CAMTA1: variants seen among roughly 807,000 people sequenced by gnomAD.
CAMTA1 encodes the protein calmodulin-binding transcription activator 1.
In CAMTA1, 27 loss-of-function variants were observed where a neutral mutation model predicts 170.9. That is an observed-to-expected ratio of 0.16 (90% CI 0.12 to 0.22). The LOEUF (loss-of-function observed/expected upper bound fraction) is 0.22. Among genes scored for constraint, CAMTA1 ranks in the 10% least tolerant of loss-of-function variants. CAMTA1 has a pLI of 1.00. For missense variants in CAMTA1, 1,619 were observed against 2,217.2 expected (o/e 0.73, Z 5.42); for synonymous variants, 833 against 891.5 (o/e 0.93, Z 1.17).
rs1641651263 is a variant in CAMTA1 at position 7,092,859 on chromosome 1, G to A, written c.302+1488G>A. Among the ~76,000 whole-genome samples the A allele has an allele frequency of 6.6e-6, 1 of 152,166 alleles. No homozygotes were observed. The highest frequency in any genetic ancestry group is 1.5e-5 in the Non-Finnish European group (1 of 68,034). Reference sequence around the variant, plus strand: ...GGAAGTTGGCGTCTCCCAGAGGAGGGCAGAGGCTTACAAGCCCAAGGCAGT... The same window carrying A: ...GGAAGTTGGCGTCTCCCAGAGGAGGACAGAGGCTTACAAGCCCAAGGCAGT... On this transcript the variant is annotated intron_variant, in intron 4 of 22. Coordinates refer to ENST00000303635, the MANE Select transcript of CAMTA1 (RefSeq NM_015215.4). This position sits in a 1 kb window ranked among gnomAD's most constrained non-coding sequence, Gnocchi z 5.0.
intron 3 of CAMTA1, among the ~76,000 whole-genome samples, chr1:7,024,028 CAAAAA>C (rs35095557): frequency 4.2e-5 from 4 of 96,136 alleles, no homozygotes; most frequent in African/African-American, 8.1e-5. Flanking sequence ...GACTCTGTCT[CAAAAA>C]AAAAAAAAAA....
At position 7,146,116 on chromosome 1, in the gene CAMTA1, C is replaced by A. The variant is rs1372413806; in HGVS notation, c.302+54745C>A. ...TTTTAAAATGGGATGATTGTAAAGG[C>A]CGGGCCGAGGATCTCCCCTGGGGAT... On this transcript the variant is annotated intron_variant, in intron 4 of 22. Coordinates refer to ENST00000303635, the MANE Select transcript of CAMTA1 (RefSeq NM_015215.4). The surrounding 1 kb of genome is among the most constrained non-coding windows in gnomAD (Gnocchi z 4.3). 6.6e-6 allele frequency among the ~76,000 whole-genome samples: 1 copy of A among 152,156 alleles called. No homozygotes were observed. Among genetic ancestry groups the A allele is most frequent in the Admixed American group, 6.5e-5 (1 of 15,282 alleles).
At chr1:7,091,132 G>A (rs761921402) in intron 3 of CAMTA1, among the ~76,000 whole-genome samples, 172 bp from the exon 4 acceptor site, 1 of 152,102 alleles carries the variant, frequency 6.6e-6, no homozygotes, top group Non-Finnish European at 1.5e-5. Flanking sequence ...GAATGGAAAG[G>A]CCTTAAAAAA....
chr1:7,255,466 A>G (rs1667225273), intron 5 of CAMTA1, among the ~76,000 whole-genome samples: 1 of 151,974 alleles, frequency 6.6e-6, no homozygotes, highest in Non-Finnish European at 1.5e-5. Flanking sequence ...GTCTAGGTCC[A>G]CATTGTCTTA....
At chr1:7,705,224 C>T (rs2096500543) in intron 11 of CAMTA1, among the ~76,000 whole-genome samples, 1 of 149,488 alleles carries the variant, frequency 6.7e-6, no homozygotes, top group Non-Finnish European at 1.5e-5. Context: ...GTGTGAGGAG[C>T]AAGGGTGAGG....
chr1:7,700,704 T>G (rs2096430377), intron 11 of CAMTA1: 1 of 152,222 alleles, frequency 6.6e-6, no homozygotes, highest in Non-Finnish European at 1.5e-5. Flanking sequence ...AAAGCTTCTA[T>G]CTGTAATAAT....
chr1:7,665,702 G>A lies in CAMTA1; in HGVS notation c.2652+503G>A, dbSNP rs965489363. On this transcript the variant is annotated intron_variant, in intron 9 of 22. Transcript: ENST00000303635. The surrounding 1 kb of genome is among the most constrained non-coding windows in gnomAD (Gnocchi z 4.3). ...TGCACTCCAGTCCGGATGACAGAGT[G>A]AAACCCTGTCTCAAAAAAAAAGAGA... is the stretch of plus-strand genomic sequence containing the variant. Among the ~76,000 whole-genome samples, 6 of 151,838 alleles carry A rather than the reference G, an allele frequency of 4.0e-5. No homozygotes were observed. Among genetic ancestry groups the A allele is most frequent in the African/African-American group, 1.5e-4 (6 of 41,310 alleles).
intron 4 of CAMTA1, among the ~76,000 whole-genome samples, chr1:7,199,884 G>A (rs1022310150): frequency 1.3e-5 from 2 of 152,136 alleles, no homozygotes; most frequent in Non-Finnish European, 2.9e-5. Flanking sequence ...CAGTTATTGC[G>A]TACCTGGCCC....
intron 1 of CAMTA1, among the ~76,000 whole-genome samples, chr1:6,802,541 A>C (rs901593802): frequency 6.6e-6 from 1 of 152,174 alleles, no homozygotes; most frequent in African/African-American, 2.4e-5. Context: ...GTCCCCATCA[A>C]ACAGTGTAAA....
At chr1:6,847,619 A>T (rs1315411455) in intron 3 of CAMTA1, among the ~76,000 whole-genome samples, 1 of 151,520 alleles carries the variant, frequency 6.6e-6, no homozygotes, top group African/African-American at 2.4e-5. Flanking sequence ...GCTGACTGCA[A>T]CCTCTGCCTC....
chr1:7,584,168 C>T (rs182962580), intron 6 of CAMTA1, among the ~76,000 whole-genome samples: 14 of 152,116 alleles, frequency 9.2e-5, no homozygotes, highest in Admixed American at 2.6e-4. Context: ...ATAAGGCAGA[C>T]GTTATTCCAG....
At chr1:6,829,608 T>A (rs1047797691) in intron 3 of CAMTA1, among the ~76,000 whole-genome samples, 1 of 152,232 alleles carries the variant, frequency 6.6e-6, no homozygotes, top group Non-Finnish European at 1.5e-5. Context: ...TCATCACATT[T>A]AATCTTTCAG....
At chr1:7,488,664 TAA>T (rs2093654875) in intron 6 of CAMTA1, among the ~76,000 whole-genome samples, 1 of 152,120 alleles carries the variant, frequency 6.6e-6, no homozygotes, top group African/African-American at 2.4e-5. Context: ...TGCACACATA[TAA>T]ACACTTGCAT....
chr1:7,239,607 G>A (rs1483107906), intron 4 of CAMTA1, among the ~76,000 whole-genome samples: 1 of 149,102 alleles, frequency 6.7e-6, no homozygotes, highest in African/African-American at 2.5e-5. Flanking sequence ...GGAGGTTAGA[G>A]CAAGAGTTCT....
chr1:7,504,271 C>T (rs1326824620), intron 6 of CAMTA1, among the ~76,000 whole-genome samples: 1 of 152,244 alleles, frequency 6.6e-6, no homozygotes, highest in Non-Finnish European at 1.5e-5. Context: ...CCACGCTCAC[C>T]TTCCTCTACT....
intron 4 of CAMTA1, among the ~76,000 whole-genome samples, chr1:7,208,834 G>A (rs542076362): frequency 2.0e-5 from 3 of 152,286 alleles, no homozygotes; most frequent in East Asian, 1.9e-4. Context: ...GATATGTGTT[G>A]TTTCACATGT....
intron 5 of CAMTA1, among the ~76,000 whole-genome samples, chr1:7,262,068 G>A (rs1668258298): frequency 6.6e-6 from 1 of 152,186 alleles, no homozygotes; most frequent in Admixed American, 6.5e-5. Context: ...TTTGTTGGAT[G>A]CTTTTATACA....
At chr1:7,026,124 A>T (rs1380303167) in intron 3 of CAMTA1, among the ~76,000 whole-genome samples, 18 of 152,064 alleles carry the variant, frequency 1.2e-4, no homozygotes, top group African/African-American at 2.4e-5. Flanking sequence ...TGCCTTAAAA[A>T]AAAAAAAAAG....
chr1:7,193,267 T>C (rs1403014227), intron 4 of CAMTA1, among the ~76,000 whole-genome samples: 2 of 151,314 alleles, frequency 1.3e-5, no homozygotes, highest in African/African-American at 4.9e-5. Flanking sequence ...CAGGGAGAAT[T>C]GCTTGAACCA....
Sources: gnomAD v4.1 joint callset for allele counts (sites outside exome capture counted in the v4.1 genomes callset) on GRCh38, gnomAD v4.1.1 for gene constraint, Gnocchi (gnomAD v3.1) non-coding constraint, MANE v1.5 for transcripts, NCBI Gene and HGNC (gene_info 2026-07-23, HGNC 2026-07-21) for gene names.